Variants in CALN1 observed in about 807,000 individuals in gnomAD.
CALN1 encodes the protein calneuron 1, also known as calcium-binding protein 8.
In CALN1, 17 loss-of-function variants were observed where a neutral mutation model predicts 30.6. That is an observed-to-expected ratio of 0.56 (90% CI 0.38 to 0.83). The LOEUF is 0.83. CALN1 is among the 40% of genes least tolerant of loss of function. The pLI, the probability that CALN1 is intolerant of heterozygous loss-of-function variation, is 0.00. For synonymous variants in CALN1, 156 were observed against 131.4 expected (o/e 1.19, Z -1.28); for missense variants, 291 against 354.9 (o/e 0.82, Z 1.45).
At chr7:71,867,863 T>C (rs1430151647) in intron 5 of CALN1, among the ~76,000 whole-genome samples, 2 of 152,252 alleles carry the variant, frequency 1.3e-5, no homozygotes, top group Non-Finnish European at 2.9e-5. Context: ...AAAGGCAGGC[T>C]TGCTGGTTAC....
the CALN1 span, among the ~76,000 whole-genome samples, chr7:72,476,678 A>G: frequency 2.0e-4 from 31 of 152,206 alleles, 1 homozygote; most frequent in Non-Finnish European, 1.2e-4. Context: ...AGCCTATAGC[A>G]TTCAGGGATG....
intron 5 of CALN1, among the ~76,000 whole-genome samples, chr7:71,866,384 T>C (rs944785721): frequency 2.8e-4 from 43 of 152,200 alleles, no homozygotes; most frequent in African/African-American, 9.6e-4. Flanking sequence ...CCATATGCTA[T>C]ATTATGTATA....
At chr7:72,381,268 GAC>G (rs1236209474) in intron 2 of CALN1, among the ~76,000 whole-genome samples, 2 of 152,162 alleles carry the variant, frequency 1.3e-5, no homozygotes, top group Non-Finnish European at 2.9e-5. Flanking sequence ...CATTATGGAA[GAC>G]AGTGTGGCGA....
At chr7:71,913,561 TG>T (rs1794536880) in intron 5 of CALN1, among the ~76,000 whole-genome samples, 1 of 152,222 alleles carries the variant, frequency 6.6e-6, no homozygotes, top group Admixed American at 6.5e-5. Flanking sequence ...AAGGTTTTAT[TG>T]TTTTTTAAAA....
intron 5 of CALN1, among the ~76,000 whole-genome samples, chr7:71,944,594 C>CAAAAAAAAAAA (rs10677940): frequency 2.8e-4 from 17 of 60,018 alleles, no homozygotes; most frequent in Non-Finnish European, 3.2e-4. Context: ...AACTCCATCC[C>CAAAAAAAAAAA]AAAAAAAAAA....
At chr7:72,347,612 C>T (rs1014153983) in intron 2 of CALN1, among the ~76,000 whole-genome samples, 3 of 152,152 alleles carry the variant, frequency 2.0e-5, no homozygotes, top group Non-Finnish European at 2.9e-5. Context: ...TTCACACACA[C>T]ATACACCTTT....
intron 3 of CALN1, among the ~76,000 whole-genome samples, chr7:72,236,222 C>T (rs762357616): frequency 1.4e-4 from 22 of 152,110 alleles, no homozygotes; most frequent in African/African-American, 3.4e-4. Flanking sequence ...ATTCACGCAA[C>T]GTCTCTCACT....
the CALN1 span, among the ~76,000 whole-genome samples, chr7:72,455,946 G>A: frequency 6.6e-6 from 1 of 152,166 alleles, no homozygotes; most frequent in Admixed American, 6.6e-5. Context: ...CAGCACTTTG[G>A]GAGGCCAAGG....
chr7:71,966,638 G>C (rs1177776852), intron 5 of CALN1, among the ~76,000 whole-genome samples: 1 of 152,122 alleles, frequency 6.6e-6, no homozygotes, highest in African/African-American at 2.4e-5. Context: ...GCAGATTCCA[G>C]CATCATGCTT....
At chr7:71,788,172 C>G (rs1339808754) in intron 6 of CALN1, among the ~76,000 whole-genome samples, 1 of 152,078 alleles carries the variant, frequency 6.6e-6, no homozygotes, top group Non-Finnish European at 1.5e-5. Flanking sequence ...AGAGTAAGGC[C>G]TAAATTTTCT....
At chr7:72,491,239 A>C in the CALN1 span, among the ~76,000 whole-genome samples, 1 of 151,806 alleles carries the variant, frequency 6.6e-6, no homozygotes, top group Non-Finnish European at 1.5e-5. Context: ...AAAAAAAAAA[A>C]ACAAAAACAA....
intron 5 of CALN1, among the ~76,000 whole-genome samples, chr7:71,846,703 C>CTA (rs138171781): frequency 9.3e-4 from 135 of 145,848 alleles, no homozygotes; most frequent in African/African-American, 1.3e-3. Flanking sequence ...TACTTGGAGG[C>CTA]TATATATATA....
At chr7:72,080,125 T>C (rs1184713720) in intron 4 of CALN1, among the ~76,000 whole-genome samples, 1 of 152,204 alleles carries the variant, frequency 6.6e-6, no homozygotes, top group African/African-American at 2.4e-5. Flanking sequence ...CAGATCATAC[T>C]AATGCCACGT....
intron 5 of CALN1, among the ~76,000 whole-genome samples, chr7:71,836,487 T>G (rs1246205927): frequency 6.6e-6 from 1 of 152,172 alleles, no homozygotes; most frequent in Non-Finnish European, 1.5e-5. Flanking sequence ...TTCACCTTCA[T>G]AGAGAAACAG....
In CALN1 at chr7:71,783,413, T is replaced by C. The variant is rs1408331928; in HGVS notation, c.*4362A>G. ...GAAATGGTAAAAAATGTAATGACTA[T>C]GGGCCTTTGGAGAAATAGTGTGGCA... On this transcript the variant is annotated 3_prime_UTR_variant, in exon 7 of 7. Transcript: ENST00000395275. The C allele has an allele frequency of 6.6e-6, 1 of 152,214 alleles. No homozygotes were observed. The highest frequency in any genetic ancestry group is 6.5e-5 in the Admixed American group (1 of 15,280). The allele number at this position is 152,214 out of a possible 1,614,324, so 9.4% of individuals were successfully genotyped here. A position where few individuals can be genotyped will look rare whatever the true frequency, so the allele number is the denominator to read the frequency against.
At chr7:72,495,966 G>C in the CALN1 span, among the ~76,000 whole-genome samples, 1 of 152,124 alleles carries the variant, frequency 6.6e-6, no homozygotes, top group South Asian at 2.1e-4. Flanking sequence ...TGTTGCCCAG[G>C]CTAAGGTGCA....
chr7:72,472,758 A>G, the CALN1 span, among the ~76,000 whole-genome samples: 1 of 152,032 alleles, frequency 6.6e-6, no homozygotes, highest in African/African-American at 2.4e-5. Flanking sequence ...CTCCAGCCTG[A>G]GCGACAGAGG....
At chr7:71,856,163 T>A (rs1790934967) in intron 5 of CALN1, among the ~76,000 whole-genome samples, 1 of 151,762 alleles carries the variant, frequency 6.6e-6, no homozygotes, top group South Asian at 2.1e-4. Context: ...TACATACATA[T>A]ATACAGCCCT....
chr7:71,927,674 C>T (rs934025374), intron 5 of CALN1, among the ~76,000 whole-genome samples: 5 of 152,124 alleles, frequency 3.3e-5, no homozygotes, highest in African/African-American at 1.2e-4. Flanking sequence ...TGATAGATTG[C>T]TACTGTTACT....
Sources: allele counts gnomAD v4.1 joint callset (sites outside exome capture counted in the v4.1 genomes callset), GRCh38; gene constraint gnomAD v4.1.1; transcripts MANE v1.5; gene names NCBI Gene and HGNC (gene_info 2026-07-23, HGNC 2026-07-21).